The following UGT1A9 variants were observed in gnomAD, a reference collection of about 807,000 sequenced individuals.
The protein encoded by UGT1A9 is UDP glucuronosyltransferase family 1 member A9, also known as UDP-glucuronosyltransferase 1A9.
Under a neutral mutation model 45.0 loss-of-function variants are expected in UGT1A9, and 35 were observed. That is an observed-to-expected ratio of 0.78 (90% CI 0.59 to 1.03). The LOEUF is 1.03. Ranked by LOEUF, UGT1A9 falls within the 50% of genes least tolerant of loss-of-function variation. The pLI, the probability that UGT1A9 is intolerant of heterozygous loss-of-function variation, is 0.00. For missense variants in UGT1A9, 687 were observed against 666.6 expected (o/e 1.03, Z -0.34); for synonymous variants, 278 against 250.6 (o/e 1.11, Z -1.03).
chr2:233,675,725 G>T (rs1384162647), intron 1 of UGT1A9, among the ~76,000 whole-genome samples: 1 of 152,002 alleles, frequency 6.6e-6, no homozygotes, highest in Non-Finnish European at 1.5e-5. Context: ...TCACTATTTT[G>T]CTCTACTAAT....
At chr2:233,760,301 C>G (rs1697391714) in intron 1 of UGT1A9, 1 of 1,613,532 alleles carries the variant, frequency 6.2e-7, no homozygotes, top group South Asian at 1.1e-5. Flanking sequence ...GCTGTGGAGT[C>G]CCAGGGCGGA....
In UGT1A9 at chr2:233,672,251, A is replaced by T; in HGVS notation, c.317A>T (p.Tyr106Phe). The T allele has an allele frequency of 6.2e-7, 1 of 1,614,166 alleles. No homozygotes were observed. Among genetic ancestry groups the T allele is most frequent in the Non-Finnish European group, 8.5e-7 (1 of 1,180,014 alleles). ...TGGAAAGCACAAGTACGAAGTATAT[A>T]TTCTCTATTAATGGGTTCATACAAT... is the stretch of plus-strand genomic sequence containing the variant. ...AQWKAQVRSI[Y>F]SLLMGSYNDI... The change falls in exon 1 of 5, where the codon TAT becomes TTT. Residue 106 changes from tyrosine to phenylalanine, a missense_variant. Tyr to Phe is a conservative substitution (Grantham distance 22). Transcript: ENST00000354728.
In UGT1A9 at chr2:233,691,469, C is replaced by A. The variant is rs183049628; in HGVS notation, c.855+18680C>A. ...CCCTTCCTGGGCCCCAGAACACCTCCGGTGCCAAACTTGTGGGTGGGAACA... is the reference window on the plus strand; with the variant it reads ...CCCTTCCTGGGCCCCAGAACACCTCAGGTGCCAAACTTGTGGGTGGGAACA... On this transcript the variant is annotated intron_variant, in intron 1 of 4. Transcript: ENST00000354728. 3.0e-6 allele frequency: 3 copies of A among 985,780 alleles called. No individual in the cohort carries two copies. In the East Asian group the frequency reaches 3.4e-4, roughly 111 times the overall value. 61.1% of individuals were successfully genotyped at this position (985,780 alleles called of 1,614,324 possible).
intron 1 of UGT1A9, among the ~76,000 whole-genome samples, chr2:233,694,288 C>G (rs2075211231): frequency 6.6e-6 from 1 of 151,680 alleles, no homozygotes; most frequent in Non-Finnish European, 1.5e-5. Flanking sequence ...CCAATCTGCC[C>G]AAAGGCCTGT....
intron 1 of UGT1A9, among the ~76,000 whole-genome samples, chr2:233,734,252 G>A (rs1251645812): frequency 6.6e-6 from 1 of 152,080 alleles, no homozygotes; most frequent in Non-Finnish European, 1.5e-5. Flanking sequence ...TTTAGTCTTG[G>A]GAGGGTGTAT....
intron 1 of UGT1A9, chr2:233,682,432 T>C (rs1339746239): frequency 6.8e-6 from 11 of 1,613,962 alleles, no homozygotes; most frequent in South Asian, 1.1e-5. Context: ...CCCTCCCCTC[T>C]GTGGTCTTCG....
chr2:233,772,440 C>T lies in UGT1A9; in HGVS notation c.1474C>T (p.Leu492Phe). 3 of 1,614,194 alleles carry T rather than the reference C, an allele frequency of 1.9e-6. No individual in the cohort carries two copies. Among genetic ancestry groups the T allele is most frequent in the South Asian group, 2.2e-5 (2 of 91,088 alleles). ...CCATTCCTTGGACGTGATTGGTTTC[C>T]TCTTGGCCGTCGTGCTGACAGTGGC... ...QYHSLDVIGF[L>F]LAVVLTVAFI... is the part of the protein sequence containing the mutation. Residue 492 changes from leucine to phenylalanine, a missense_variant, in exon 5 of 5, where the codon CTC becomes TTC. Transcript: ENST00000354728.
At chr2:233,757,558 A>ATATATATATATG (rs1553619909) in intron 1 of UGT1A9, among the ~76,000 whole-genome samples, 2 of 124,446 alleles carry the variant, frequency 1.6e-5, no homozygotes, top group East Asian at 4.2e-4. Context: ...ATATATATAT[A>ATATATATATATG]TATGTATATA....
chr2:233,722,177 A>G (rs1303891517), intron 1 of UGT1A9: 1 of 157,672 alleles, frequency 6.3e-6, no homozygotes, highest in East Asian at 1.9e-4. Context: ...GACCTTTGCC[A>G]TGTTCGTGCC....
At chr2:233,766,944 A>C (rs1699286381) in intron 1 of UGT1A9, 90 bp from the exon 2 acceptor site, 2 of 1,597,570 alleles carry the variant, frequency 1.3e-6, no homozygotes, top group South Asian at 2.3e-5. Context: ...TCATAGTCTT[A>C]AGAGGAAGAT....
In UGT1A9 at chr2:233,713,868, G is replaced by C. The variant is rs374502010; in HGVS notation, c.855+41079G>C. ...GAAGCCACTATCTCAGGTCTGTATT[G>C]GTGCCTTTATCCAATCAATGTTCCA... On this transcript the variant is annotated intron_variant, in intron 1 of 4. Coordinates refer to ENST00000354728, the MANE Select transcript of UGT1A9 (RefSeq NM_021027.3). 94 of 1,613,748 alleles carry C rather than the reference G, an allele frequency of 5.8e-5. No individual in the cohort carries two copies. The African/African-American group carries it at 1.1e-3, about 20-fold the overall frequency.
Position 233,712,193 on chromosome 2 carries a change from C to A in UGT1A9, c.855+39404C>A, listed in dbSNP as rs144263331. Reference sequence around the variant, plus strand: ...ATCTGAGGCCAGGCTCCAGCTCCCCCGGTCCCTTGGTGAGCAGGAGCTCCC... The same window carrying A: ...ATCTGAGGCCAGGCTCCAGCTCCCCAGGTCCCTTGGTGAGCAGGAGCTCCC... On this transcript the variant is annotated intron_variant, in intron 1 of 4. Transcript: ENST00000354728. Among the ~76,000 whole-genome samples the A allele has an allele frequency of 5.1e-3, 772 of 152,336 alleles. 4 individuals carry two copies. The highest frequency in any genetic ancestry group is 8.4e-3 in the Non-Finnish European group (571 of 68,036).
chr2:233,686,153 A>G (rs1052829163), intron 1 of UGT1A9, among the ~76,000 whole-genome samples: 8 of 152,174 alleles, frequency 5.3e-5, no homozygotes, highest in African/African-American at 1.9e-4. Context: ...CTTGAAATGG[A>G]TCAAAGACCT....
At chr2:233,761,529 T>C (rs1208884408) in intron 1 of UGT1A9, among the ~76,000 whole-genome samples, 1 of 152,248 alleles carries the variant, frequency 6.6e-6, no homozygotes, top group Non-Finnish European at 1.5e-5. Flanking sequence ...TCAGGACTGA[T>C]GAAATCATTC....
intron 1 of UGT1A9, chr2:233,754,258 T>A: frequency 5.9e-6 from 1 of 170,430 alleles, no homozygotes; most frequent in South Asian, 1.4e-4. Flanking sequence ...CGGAAAAAGG[T>A]AAGGCTCAAA....
chr2:233,739,654 C>T (rs1048629610), intron 1 of UGT1A9, among the ~76,000 whole-genome samples: 2 of 152,192 alleles, frequency 1.3e-5, no homozygotes, highest in South Asian at 4.1e-4. Flanking sequence ...AATTTCTGTA[C>T]CCCCATTGTG....
At chr2:233,704,837 C>G (rs928944856) in intron 1 of UGT1A9, among the ~76,000 whole-genome samples, 1 of 151,970 alleles carries the variant, frequency 6.6e-6, no homozygotes, top group Non-Finnish European at 1.5e-5. Flanking sequence ...CTTTTAAAAT[C>G]AGTTAAGAGA....
chr2:233,697,491 A>G lies in UGT1A9; in HGVS notation c.855+24702A>G, dbSNP rs1240411195. ...TCTTAGTCTAGCTCAAGGTTTGCCA[A>G]TTTTGTTTATCTTTTTTTTTTTTTA... On this transcript the variant is annotated intron_variant, in intron 1 of 4. Transcript: ENST00000354728. Among the ~76,000 whole-genome samples, 4 of 148,052 alleles carry G rather than the reference A, an allele frequency of 2.7e-5. No individual in the cohort carries two copies. The South Asian group carries it at 6.4e-4, about 24-fold the overall frequency.
intron 1 of UGT1A9, among the ~76,000 whole-genome samples, chr2:233,717,097 A>G (rs1035812992): frequency 6.6e-6 from 1 of 152,144 alleles, no homozygotes; most frequent in South Asian, 2.1e-4. Context: ...TGACATCACT[A>G]TCTAAATAAA....
Sources: gnomAD v4.1 joint callset for allele counts (sites outside exome capture counted in the v4.1 genomes callset) on GRCh38, gnomAD v4.1.1 for gene constraint, MANE v1.5 for transcripts, NCBI Gene and HGNC (gene_info 2026-07-23, HGNC 2026-07-21) for gene names.